ENTPD5: variants seen among roughly 807,000 people sequenced by gnomAD.
The protein encoded by ENTPD5 is nucleoside diphosphate phosphatase ENTPD5.
Under a neutral mutation model 60.2 loss-of-function variants are expected in ENTPD5, and 49 were observed. The observed-to-expected ratio is 0.81, with a 90% CI of 0.65 to 1.03. ENTPD5 has a LOEUF of 1.03. Ranked by LOEUF, ENTPD5 falls within the 50% of genes least tolerant of loss-of-function variation. ENTPD5 has a pLI of 0.00. For synonymous variants in ENTPD5, 187 were observed against 185.4 expected (o/e 1.01, Z -0.07); for missense variants, 480 against 507.6 (o/e 0.95, Z 0.52).
At chr14:74,005,350 G>A (rs115021583) in intron 3 of ENTPD5, among the ~76,000 whole-genome samples, 867 of 58,518 alleles carry the variant, frequency 0.015, 8 homozygotes, top group African/African-American at 0.051. Context: ...GGGTGAGAGA[G>A]CAAGACTCGG....
At chr14:74,017,751 T>C (rs2059082521) in intron 1 of ENTPD5, among the ~76,000 whole-genome samples, 1 of 143,728 alleles carries the variant, frequency 7.0e-6, no homozygotes, top group Admixed American at 7.1e-5. Context: ...CCTGGCATGG[T>C]GGCACGCACC....
rs181451545 is a variant in ENTPD5, at chr14:73,984,050, G to A, written c.298-889C>T. ...ATTATCTTTTTCTTTTTTTTAAGAC[G>A]GAATTTTGCTCTTGTTACCCAGGCT... On this transcript the variant is annotated intron_variant, in intron 5 of 15. Transcript: ENST00000334696. Among the ~76,000 whole-genome samples, 12 of 149,374 alleles carry A rather than the reference G, an allele frequency of 8.0e-5. No homozygotes were observed. In the East Asian group the frequency reaches 2.0e-3, roughly 25 times the overall value.
intron 14 of ENTPD5, among the ~76,000 whole-genome samples, chr14:73,970,524 G>T (rs1285928133): frequency 6.6e-6 from 1 of 152,088 alleles, no homozygotes; most frequent in Admixed American, 6.6e-5. Flanking sequence ...AGAAGAATAA[G>T]CAAAGCAGAA....
chr14:73,971,811 G>A, intron 14 of ENTPD5, 41 bp downstream of exon 14: 1 of 1,414,862 alleles, frequency 7.1e-7, no homozygotes, highest in Non-Finnish European at 1.0e-6. Flanking sequence ...TAGGCAGGCA[G>A]TCTCACAGGC....
chr14:73,993,956 T>A (rs1308248094), intron 3 of ENTPD5, among the ~76,000 whole-genome samples: 6 of 149,724 alleles, frequency 4.0e-5, no homozygotes, highest in Non-Finnish European at 8.9e-5. Flanking sequence ...CCCTGCAGAG[T>A]CATACTAGTT....
At chr14:73,968,094 A>C (rs2057063327) in intron 15 of ENTPD5, among the ~76,000 whole-genome samples, 1 of 152,204 alleles carries the variant, frequency 6.6e-6, no homozygotes, top group African/African-American at 2.4e-5. Flanking sequence ...ATTGCACTCC[A>C]GCCTGGGCAA....
rs1864228786 is a variant in ENTPD5, at chr14:73,965,711, A to G, written c.*1217T>C. On this transcript the variant is annotated 3_prime_UTR_variant, in exon 16 of 16. Coordinates refer to ENST00000334696, the MANE Select transcript of ENTPD5 (RefSeq NM_001249.5). ...ACTCTAGCCTGAGCAACAGAGCAAG[A>G]CTCCATCTCAAAAAAAAGTGCAAGA... 1 of 151,058 alleles carries G rather than the reference A, an allele frequency of 6.6e-6. No individual in the cohort carries two copies. The highest frequency in any genetic ancestry group is 6.6e-5 in the Admixed American group (1 of 15,072). 9.4% of individuals were successfully genotyped at this position (151,058 alleles called of 1,614,324 possible). A position where few individuals can be genotyped will look rare whatever the true frequency, so the allele number is the denominator to read the frequency against.
chr14:74,004,994 TA>T (rs1248866158), intron 3 of ENTPD5, among the ~76,000 whole-genome samples: 2 of 152,054 alleles, frequency 1.3e-5, no homozygotes, highest in Middle Eastern at 3.2e-3. Flanking sequence ...ACCATATATA[TA>T]TTTCAATAAA....
At chr14:73,980,456 G>C (rs2057637377) in intron 6 of ENTPD5, among the ~76,000 whole-genome samples, 1 of 151,314 alleles carries the variant, frequency 6.6e-6, no homozygotes. Context: ...TAGAGACGGG[G>C]TTTCACCATG....
intron 3 of ENTPD5, among the ~76,000 whole-genome samples, chr14:73,995,407 T>C (rs2058306221): frequency 6.6e-6 from 1 of 151,868 alleles, no homozygotes; most frequent in African/African-American, 2.4e-5. Context: ...GGAATGGTGG[T>C]GTGAGCACAC....
intron 9 of ENTPD5, 73 bp from the exon 10 acceptor site, chr14:73,976,088 C>A: frequency 7.9e-7 from 1 of 1,259,832 alleles, no homozygotes; most frequent in Non-Finnish European, 1.1e-6. Flanking sequence ...CACCACCCGT[C>A]CCTCCCAGCA....
At chr14:73,983,701 T>G (rs1303874716) in intron 5 of ENTPD5, among the ~76,000 whole-genome samples, 2 of 150,316 alleles carry the variant, frequency 1.3e-5, no homozygotes, top group Non-Finnish European at 3.0e-5. Flanking sequence ...ATTATTTTTT[T>G]TGGGACATTC....
intron 4 of ENTPD5, chr14:73,987,211 G>A: frequency 1.4e-6 from 1 of 694,096 alleles, no homozygotes; most frequent in East Asian, 2.7e-5. Flanking sequence ...TCATGTCCAA[G>A]GATGGCAGTG....
At position 73,988,146 on chromosome 14, in the gene ENTPD5, G is replaced by A. The variant is rs760608942; in HGVS notation, c.-44C>T. On this transcript the variant is annotated 5_prime_UTR_variant, in exon 4 of 16. Transcript: ENST00000334696. ...CTGGGTGGAGGCTTTTGTTGCAGAA[G>A]CAATCCTGCTCGCACACCTGCAGAG... The A allele has an allele frequency of 1.3e-6, 2 of 1,571,664 alleles. No individual in the cohort carries two copies. Among genetic ancestry groups the A allele is most frequent in the Non-Finnish European group, 1.7e-6 (2 of 1,158,300 alleles).
At chr14:73,970,508 G>A (rs530135730) in intron 14 of ENTPD5, among the ~76,000 whole-genome samples, 16 of 152,036 alleles carry the variant, frequency 1.1e-4, no homozygotes, top group African/African-American at 3.4e-4. Context: ...AAAAGGTAGG[G>A]GGAGAAGAAG....
At chr14:73,994,934 C>T (rs1049726521) in intron 3 of ENTPD5, among the ~76,000 whole-genome samples, 1 of 151,876 alleles carries the variant, frequency 6.6e-6, no homozygotes, top group Non-Finnish European at 1.5e-5. Context: ...GTTTATTTTT[C>T]TCCACAGGAC....
At chr14:74,004,260 T>C (rs1466334855) in intron 3 of ENTPD5, among the ~76,000 whole-genome samples, 4 of 152,106 alleles carry the variant, frequency 2.6e-5, no homozygotes, top group Admixed American at 1.3e-4. Flanking sequence ...CTCTGCCTCC[T>C]GGGTTCAAGT....
At chr14:73,977,635 G>A (rs1594866883) in intron 6 of ENTPD5, among the ~76,000 whole-genome samples, 3 of 152,182 alleles carry the variant, frequency 2.0e-5, no homozygotes, top group East Asian at 1.9e-4. Flanking sequence ...TAGGTGAACT[G>A]GACCTATGGA....
intron 3 of ENTPD5, among the ~76,000 whole-genome samples, chr14:74,010,652 C>T (rs1235433634): frequency 6.6e-6 from 1 of 152,092 alleles, no homozygotes; most frequent in Non-Finnish European, 1.5e-5. Flanking sequence ...TTATGATTAT[C>T]AGTTATATTT....
Sources: allele counts gnomAD v4.1 joint callset (sites outside exome capture counted in the v4.1 genomes callset), GRCh38; gene constraint gnomAD v4.1.1; transcripts MANE v1.5; gene names NCBI Gene and HGNC (gene_info 2026-07-23, HGNC 2026-07-21).